Variants in ATP10A observed in about 807,000 individuals in gnomAD.
ATP10A encodes phospholipid-transporting ATPase VA.
In ATP10A, 111 loss-of-function variants were observed where a neutral mutation model predicts 147.8. The ratio of observed to expected loss-of-function variants is 0.75; its 90% CI spans 0.64 to 0.88. The LOEUF (loss-of-function observed/expected upper bound fraction) is 0.88, where lower values mean the gene tolerates loss of function less well. Ranked by LOEUF, ATP10A falls within the 40% of genes least tolerant of loss-of-function variation. The probability of loss-of-function intolerance (pLI) is 0.00; values close to 1 mark genes in which losing one functional copy is unlikely to be tolerated. For synonymous variants in ATP10A, 875 were observed against 841.6 expected, an observed-to-expected ratio of 1.04 and a Z score of -0.69; for missense variants, 1,927 against 1,959.0, an observed-to-expected ratio of 0.98 and a Z score of 0.31.
At position 25,740,249 on chromosome 15, in the gene ATP10A, T is replaced by A. The variant is rs115754471; in HGVS notation, c.655-4108A>T. ...CAGTCCATTAAAGAGGATACTGTTA[T>A]TTTTTTTCTATCATAAAAAAACTAA... On this transcript the variant is annotated intron_variant, in intron 2 of 20. Transcript: ENST00000555815. Among the ~76,000 whole-genome samples the A allele has an allele frequency of 2.3e-3, 348 of 150,408 alleles. 2 individuals carry two copies. The highest frequency in any genetic ancestry group is 8.3e-3 in the African/African-American group (331 of 39,800).
chr15:25,796,907 G>C (rs1214866689), intron 1 of ATP10A, among the ~76,000 whole-genome samples: 1 of 152,218 alleles, frequency 6.6e-6, no homozygotes. Flanking sequence ...GAGGCACAAT[G>C]TCATGTTTTG....
At chr15:25,794,974 AG>A (rs1287449373) in intron 1 of ATP10A, among the ~76,000 whole-genome samples, 1 of 152,196 alleles carries the variant, frequency 6.6e-6, no homozygotes, top group Non-Finnish European at 1.5e-5. Flanking sequence ...AGCAGCTCTA[AG>A]GAAGGCCCAA....
At chr15:25,837,968 G>A (rs539386303) in intron 1 of ATP10A, among the ~76,000 whole-genome samples, 29 of 152,370 alleles carry the variant, frequency 1.9e-4, no homozygotes, top group South Asian at 1.4e-3. Context: ...AAGAGGGACA[G>A]CTGAGCTGCC....
rs571552116 is a variant in ATP10A, at chr15:25,771,531, C to A, written c.654+9488G>T. 6.6e-5 allele frequency among the ~76,000 whole-genome samples: 10 copies of A among 152,256 alleles called. No homozygotes were observed. The East Asian group carries it at 1.9e-3, about 29-fold the overall frequency. ...TATCTTCCCAGCTACAGAACAAAGACAAGACTCCTCCCTCCACCCACCCAG... is the reference window on the plus strand; with the variant it reads ...TATCTTCCCAGCTACAGAACAAAGAAAAGACTCCTCCCTCCACCCACCCAG... On this transcript the variant is annotated intron_variant, in intron 2 of 20. Coordinates refer to ENST00000555815, the MANE Select transcript of ATP10A (RefSeq NM_024490.4).
chr15:25,786,673 TGGAG>T (rs1890177667), intron 1 of ATP10A, among the ~76,000 whole-genome samples: 1 of 126,938 alleles, frequency 7.9e-6, no homozygotes, highest in South Asian at 2.7e-4. Flanking sequence ...TCCCTCAGGC[TGGAG>T]TGCAGTGGCG....
intron 1 of ATP10A, among the ~76,000 whole-genome samples, chr15:25,811,478 A>T (rs1240816044): frequency 6.6e-6 from 1 of 152,184 alleles, no homozygotes; most frequent in Admixed American, 6.5e-5. Flanking sequence ...AAGCCTTCCA[A>T]TGACTTCCCC....
At chr15:25,680,686 G>T in intron 19 of ATP10A, 124 bp downstream of exon 19, 1 of 891,280 alleles carries the variant, frequency 1.1e-6, no homozygotes, top group Non-Finnish European at 1.8e-6. Context: ...TCATCACACT[G>T]AGGTCAGCTT....
intron 2 of ATP10A, among the ~76,000 whole-genome samples, chr15:25,768,182 C>T (rs1332119256): frequency 6.6e-6 from 1 of 152,212 alleles, no homozygotes; most frequent in Non-Finnish European, 1.5e-5. Context: ...TCACAGGACA[C>T]AGCACGCGAG....
At chr15:25,779,883 C>G (rs1339450198) in intron 2 of ATP10A, among the ~76,000 whole-genome samples, 1 of 140,096 alleles carries the variant, frequency 7.1e-6, no homozygotes, top group Non-Finnish European at 1.6e-5. Flanking sequence ...CACACACACA[C>G]AGAGTAAATG....
At chr15:25,712,299 T>C (rs1364518080) in intron 10 of ATP10A, among the ~76,000 whole-genome samples, 2 of 152,186 alleles carry the variant, frequency 1.3e-5, no homozygotes, top group Admixed American at 6.5e-5. Context: ...TTTTTACTCA[T>C]GTAAAAAAAT....
intron 1 of ATP10A, among the ~76,000 whole-genome samples, chr15:25,847,995 A>C (rs55794182): frequency 0.026 from 1,452 of 56,430 alleles, 24 homozygotes; most frequent in African/African-American, 0.047. Flanking sequence ...TGTAGTTAAG[A>C]AGGTGGTTTC....
At chr15:25,801,029 C>T (rs972608369) in intron 1 of ATP10A, among the ~76,000 whole-genome samples, 3 of 152,008 alleles carry the variant, frequency 2.0e-5, no homozygotes, top group Admixed American at 1.3e-4. Context: ...TTTCCTTTTA[C>T]AAAACTAAAA....
intron 2 of ATP10A, among the ~76,000 whole-genome samples, chr15:25,745,557 G>A (rs2140527703): frequency 6.6e-6 from 1 of 152,166 alleles, no homozygotes; most frequent in South Asian, 2.1e-4. Flanking sequence ...CCCCATCTCT[G>A]CTATAAGAAA....
At chr15:25,846,669 C>A (rs1244901874) in intron 1 of ATP10A, among the ~76,000 whole-genome samples, 4 of 152,252 alleles carry the variant, frequency 2.6e-5, no homozygotes, top group African/African-American at 9.6e-5. Context: ...CGGACACGTG[C>A]CTGACACGTG....
rs147632954 is a variant in ATP10A, at chr15:25,708,001, G to A, written c.2550C>T (p.Arg850=). ...SEELLFQSAI[R]LETNLHLLGA... ...CTAACAAGTGCAGGTTGGTCTCCAG[G>A]CGAATGGCAGACTGGAAGAGGAGCT... is the stretch of plus-strand genomic sequence containing the variant. Residue 850 remains arginine, a synonymous_variant, in exon 12 of 21, where the codon CGC becomes CGT. Transcript: ENST00000555815. The A allele has an allele frequency of 2.9e-4, 465 of 1,614,148 alleles. No homozygotes were observed. Among genetic ancestry groups the A allele is most frequent in the Middle Eastern group, 1.8e-3 (11 of 6,062 alleles).
chr15:25,850,371 A>ACGCT (rs1893229611), intron 1 of ATP10A, among the ~76,000 whole-genome samples: 3 of 152,146 alleles, frequency 2.0e-5, no homozygotes, highest in African/African-American at 7.2e-5. Flanking sequence ...TGACCGAGAC[A>ACGCT]GACAGCGTGG....
intron 1 of ATP10A, among the ~76,000 whole-genome samples, chr15:25,814,732 G>A (rs1398670650): frequency 6.6e-6 from 1 of 152,102 alleles, no homozygotes; most frequent in Non-Finnish European, 1.5e-5. Flanking sequence ...TTAAGCTACC[G>A]TGCATTGCCC....
intron 2 of ATP10A, among the ~76,000 whole-genome samples, chr15:25,756,379 C>G (rs1425168673): frequency 1.3e-5 from 2 of 152,216 alleles, no homozygotes; most frequent in African/African-American, 4.8e-5. Flanking sequence ...CGCGGTGGCT[C>G]ACGCCTATAA....
intron 16 of ATP10A, 74 bp downstream of exon 16, chr15:25,687,629 C>T (rs908785343): frequency 3.8e-5 from 34 of 902,932 alleles, no homozygotes; most frequent in South Asian, 1.3e-4. Flanking sequence ...CATCCTCCTT[C>T]GCCTCATTCA....
Sources: allele counts gnomAD v4.1 joint callset (sites outside exome capture counted in the v4.1 genomes callset), GRCh38; gene constraint gnomAD v4.1.1; transcripts MANE v1.5; gene names NCBI Gene and HGNC (gene_info 2026-07-23, HGNC 2026-07-21).